Variants in CEP112 observed in about 807,000 individuals in gnomAD.
CEP112 encodes centrosomal protein 112.
In CEP112, 127 loss-of-function variants were observed where a neutral mutation model predicts 153.0. The observed-to-expected ratio is 0.83, with a 90% CI of 0.72 to 0.96. CEP112 has a LOEUF of 0.96. CEP112 is among the 40% of genes least tolerant of loss of function. The pLI, the probability that CEP112 is intolerant of heterozygous loss-of-function variation, is 0.00. For synonymous variants in CEP112, 358 were observed against 374.4 expected, an observed-to-expected ratio of 0.96 and a Z score of 0.51; for missense variants, 1,089 against 1,101.2, an observed-to-expected ratio of 0.99 and a Z score of 0.16.
intron 21 of CEP112, among the ~76,000 whole-genome samples, chr17:65,831,277 G>A (rs1222788156): frequency 2.0e-5 from 3 of 152,192 alleles, no homozygotes; most frequent in African/African-American, 7.2e-5. Flanking sequence ...AGAAAATCAG[G>A]CCAGGCGCAG....
At chr17:65,821,496 T>TATTTATATATATATATATAAATATA (rs2056537136) in intron 21 of CEP112, among the ~76,000 whole-genome samples, 3 of 121,426 alleles carry the variant, frequency 2.5e-5, no homozygotes, top group Non-Finnish European at 5.0e-5. Context: ...ATATATATAA[T>TATTTATATATATATATATAAATATA]TATATATATA....
At chr17:66,121,933 C>T (rs940792668) in intron 6 of CEP112, among the ~76,000 whole-genome samples, 4 of 151,760 alleles carry the variant, frequency 2.6e-5, no homozygotes, top group Non-Finnish European at 5.9e-5. Context: ...CTCGCTCTGT[C>T]GCCCAGGCTG....
chr17:66,069,551 A>T (rs2067236887), intron 9 of CEP112, among the ~76,000 whole-genome samples: 1 of 152,112 alleles, frequency 6.6e-6, no homozygotes, highest in African/African-American at 2.4e-5. Context: ...CCAAAAGAAT[A>T]TTAGAATAAA....
chr17:65,693,199 C>A (rs1002335568), intron 23 of CEP112, among the ~76,000 whole-genome samples: 2 of 152,098 alleles, frequency 1.3e-5, no homozygotes, highest in African/African-American at 4.8e-5. Flanking sequence ...CTTGCCTTCA[C>A]CTGCAGAACC....
At chr17:66,037,361 C>G (rs1057217947) in intron 12 of CEP112, among the ~76,000 whole-genome samples, 2 of 151,996 alleles carry the variant, frequency 1.3e-5, no homozygotes, top group Admixed American at 1.3e-4. Flanking sequence ...TTCCCGTGAC[C>G]ACCTCTCTCT....
chr17:66,096,668 T>C (rs1193231013), intron 6 of CEP112, 36 bp from the exon 7 acceptor site: 2 of 1,348,770 alleles, frequency 1.5e-6, no homozygotes, highest in Admixed American at 1.8e-5. Flanking sequence ...TAAGGATTTA[T>C]TAATTTTGGA....
intron 21 of CEP112, among the ~76,000 whole-genome samples, chr17:65,807,140 T>C (rs998085115): frequency 1.3e-5 from 2 of 152,218 alleles, no homozygotes; most frequent in African/African-American, 4.8e-5. Flanking sequence ...ATTCTTGCTA[T>C]GCTTTAGCAA....
At chr17:65,744,379 G>C (rs1401569942) in intron 22 of CEP112, among the ~76,000 whole-genome samples, 4 of 152,048 alleles carry the variant, frequency 2.6e-5, no homozygotes, top group Admixed American at 2.0e-4. Context: ...TCAGCCTCCT[G>C]AGTAGCTGGG....
At chr17:65,804,723 C>T (rs566252021) in intron 21 of CEP112, among the ~76,000 whole-genome samples, 1 of 152,012 alleles carries the variant, frequency 6.6e-6, no homozygotes, top group Non-Finnish European at 1.5e-5. Context: ...AAGAATTATA[C>T]TGAAAAATAA....
At chr17:65,726,878 T>A (rs1260176428) in intron 23 of CEP112, among the ~76,000 whole-genome samples, 5 of 152,216 alleles carry the variant, frequency 3.3e-5, no homozygotes, top group Admixed American at 1.3e-4. Context: ...TCTACTTCAT[T>A]CTTTAAAAAT....
At chr17:66,038,969 G>A (rs1362794980) in intron 12 of CEP112, among the ~76,000 whole-genome samples, 2 of 152,124 alleles carry the variant, frequency 1.3e-5, no homozygotes, top group Non-Finnish European at 2.9e-5. Flanking sequence ...ATTGGTAGCT[G>A]TGGAAACAGA....
rs147826891 is a variant in CEP112 at position 65,766,938 on chromosome 17, C to T, written c.2395-16214G>A. ...TGGACATGAAGGGAGAAACAGATAG[C>T]AATACAGTAATAGTGGGGACTTCAA... On this transcript the variant is annotated intron_variant, in intron 21 of 26. Transcript: ENST00000535342. 9.3e-4 allele frequency among the ~76,000 whole-genome samples: 136 copies of T among 146,092 alleles called. 2 individuals carry two copies. Among genetic ancestry groups the T allele is most frequent in the African/African-American group, 3.3e-3 (129 of 38,852 alleles).
chr17:65,813,569 A>T (rs2056103886), intron 21 of CEP112, among the ~76,000 whole-genome samples: 1 of 152,196 alleles, frequency 6.6e-6, no homozygotes, highest in Non-Finnish European at 1.5e-5. Flanking sequence ...GACACACTAG[A>T]ATCTTGGTTC....
At chr17:66,164,673 T>C (rs1277290164) in intron 4 of CEP112, among the ~76,000 whole-genome samples, 2 of 150,750 alleles carry the variant, frequency 1.3e-5, no homozygotes, top group African/African-American at 4.9e-5. Flanking sequence ...CTGGCCAAGA[T>C]GGTAAAGCCC....
chr17:65,942,515 T>C (rs1389706326), intron 18 of CEP112, among the ~76,000 whole-genome samples: 2 of 152,134 alleles, frequency 1.3e-5, no homozygotes, highest in Non-Finnish European at 2.9e-5. Flanking sequence ...ATGGTTTCTG[T>C]AGCTTTGCAT....
intron 21 of CEP112, among the ~76,000 whole-genome samples, chr17:65,851,421 C>T (rs147002032): frequency 1.1e-3 from 168 of 152,220 alleles, no homozygotes; most frequent in African/African-American, 3.7e-3. Flanking sequence ...TCTAGAAATG[C>T]TTATTAGACA....
chr17:65,938,288 C>A (rs1206108859), intron 18 of CEP112, among the ~76,000 whole-genome samples: 27 of 142,376 alleles, frequency 1.9e-4, no homozygotes, highest in Admixed American at 1.8e-3. Context: ...TGCGAAAGCC[C>A]GCAGGGTCCT....
At chr17:65,874,928 C>T (rs770491482) in intron 20 of CEP112, among the ~76,000 whole-genome samples, 2 of 152,054 alleles carry the variant, frequency 1.3e-5, no homozygotes, top group Admixed American at 6.5e-5. Flanking sequence ...TTTCCCTATG[C>T]TACCTTAACT....
chr17:65,845,022 ATTATG>A (rs2057674674), intron 21 of CEP112, among the ~76,000 whole-genome samples: 1 of 151,888 alleles, frequency 6.6e-6, no homozygotes, highest in African/African-American at 2.4e-5. Flanking sequence ...AAAAAAAAAA[ATTATG>A]TTATATCAAA....
Sources: allele counts gnomAD v4.1 joint callset (sites outside exome capture counted in the v4.1 genomes callset), GRCh38; gene constraint gnomAD v4.1.1; transcripts MANE v1.5; gene names NCBI Gene and HGNC (gene_info 2026-07-23, HGNC 2026-07-21).